Variants in LHFPL3 observed in about 807,000 individuals in gnomAD.
LHFPL3 encodes LHFPL tetraspan subfamily member 3.
Under a neutral mutation model 19.3 loss-of-function variants are expected in LHFPL3, and 5 were observed. The observed-to-expected ratio is 0.26, with a 90% CI of 0.14 to 0.54. The LOEUF is 0.54. Among genes scored for constraint, LHFPL3 ranks in the 20% least tolerant of loss-of-function variants. The pLI is 0.94. For missense variants in LHFPL3, 249 were observed against 307.4 expected (o/e 0.81, Z 1.42); for synonymous variants, 133 against 126.2 (o/e 1.05, Z -0.36).
intron 1 of LHFPL3, among the ~76,000 whole-genome samples, chr7:104,713,569 A>G (rs1793331889): frequency 6.6e-6 from 1 of 152,184 alleles, no homozygotes; most frequent in African/African-American, 2.4e-5. Context: ...ATCAGCCACC[A>G]TAATCCAATC....
intron 1 of LHFPL3, among the ~76,000 whole-genome samples, chr7:104,352,170 A>T (rs1341846444): frequency 6.6e-6 from 1 of 151,330 alleles, no homozygotes; most frequent in African/African-American, 2.4e-5. Flanking sequence ...GTATAAAAAA[A>T]AAAAAAATCT....
At chr7:104,631,122 G>T (rs1013763305) in intron 1 of LHFPL3, among the ~76,000 whole-genome samples, 3 of 152,086 alleles carry the variant, frequency 2.0e-5, no homozygotes, top group Non-Finnish European at 4.4e-5. Flanking sequence ...TACTGACAAA[G>T]CTTGACATCA....
At chr7:104,578,138 T>C (rs1272184221) in intron 1 of LHFPL3, among the ~76,000 whole-genome samples, 1 of 152,230 alleles carries the variant, frequency 6.6e-6, no homozygotes, top group East Asian at 1.9e-4. Flanking sequence ...AAAAAAGTTA[T>C]AGGCAGTTAG....
chr7:104,343,891 T>C (rs991959551), intron 1 of LHFPL3, among the ~76,000 whole-genome samples: 1 of 152,146 alleles, frequency 6.6e-6, no homozygotes, highest in Non-Finnish European at 1.5e-5. Context: ...GTTTTATCAG[T>C]GATGTACACA....
chr7:104,419,122 T>A (rs1449405802), intron 1 of LHFPL3, among the ~76,000 whole-genome samples: 1 of 152,232 alleles, frequency 6.6e-6, no homozygotes. Flanking sequence ...CTAATTTGGT[T>A]GTAGTTTGGA....
intron 1 of LHFPL3, among the ~76,000 whole-genome samples, chr7:104,375,168 G>C (rs536695777): frequency 3.9e-5 from 6 of 152,114 alleles, no homozygotes; most frequent in Non-Finnish European, 5.9e-5. Context: ...GTGAAACCCC[G>C]TCTCTACTGA....
At chr7:104,564,371 G>A (rs142995701) in intron 1 of LHFPL3, among the ~76,000 whole-genome samples, 31 of 152,222 alleles carry the variant, frequency 2.0e-4, no homozygotes, top group Non-Finnish European at 5.9e-5. Flanking sequence ...ATGCCACTAG[G>A]GTAGATAAAA....
intron 1 of LHFPL3, among the ~76,000 whole-genome samples, chr7:104,394,128 TAA>T (rs1348025211): frequency 2.0e-5 from 3 of 152,240 alleles, no homozygotes; most frequent in Non-Finnish European, 4.4e-5. Context: ...AACTGTTCTT[TAA>T]AACTCTACTT....
At chr7:104,438,703 AT>A (rs1792158776) in intron 1 of LHFPL3, among the ~76,000 whole-genome samples, 2 of 152,182 alleles carry the variant, frequency 1.3e-5, no homozygotes, top group African/African-American at 4.8e-5. Flanking sequence ...AAAAAAAAAG[AT>A]AAGCAAACAA....
intron 1 of LHFPL3, among the ~76,000 whole-genome samples, chr7:104,658,120 C>T (rs1792152980): frequency 6.6e-6 from 1 of 152,178 alleles, no homozygotes; most frequent in South Asian, 2.1e-4. Context: ...TGCTGCCTTG[C>T]AGTTAGAATT....
chr7:104,599,753 C>A (rs9641335), intron 1 of LHFPL3, among the ~76,000 whole-genome samples: 69,650 of 151,974 alleles, frequency 0.46, 16,097 homozygotes, highest in South Asian at 0.53. Context: ...AGCTTATTTT[C>A]ATGGAAGCAG....
chr7:104,753,478 T>C (rs1185173589), intron 2 of LHFPL3, among the ~76,000 whole-genome samples: 1 of 152,224 alleles, frequency 6.6e-6, no homozygotes, highest in Non-Finnish European at 1.5e-5. Context: ...AGAATTTTTT[T>C]TCAATATTCA....
At chr7:104,418,014 C>G (rs1791658921) in intron 1 of LHFPL3, among the ~76,000 whole-genome samples, 1 of 151,538 alleles carries the variant, frequency 6.6e-6, no homozygotes, top group African/African-American at 2.4e-5. Context: ...TCCTGAGTAG[C>G]TGGGATTACA....
At chr7:104,902,629 A>T (rs1792511507) in intron 2 of LHFPL3, among the ~76,000 whole-genome samples, 1 of 152,084 alleles carries the variant, frequency 6.6e-6, no homozygotes, top group Non-Finnish European at 1.5e-5. Context: ...TGTACTAAAA[A>T]TAAAAAATTA....
intron 1 of LHFPL3, among the ~76,000 whole-genome samples, chr7:104,389,099 T>A (rs1327896394): frequency 6.6e-6 from 1 of 152,128 alleles, no homozygotes; most frequent in South Asian, 2.1e-4. Context: ...GCAGATGACA[T>A]GTCCTTCCAT....
At chr7:104,702,578 G>A (rs2116180133) in intron 1 of LHFPL3, among the ~76,000 whole-genome samples, 1 of 152,258 alleles carries the variant, frequency 6.6e-6, no homozygotes, top group South Asian at 2.1e-4. Context: ...TAAATTAAAG[G>A]CCAGTGCCTA....
intron 1 of LHFPL3, among the ~76,000 whole-genome samples, chr7:104,594,985 TC>T (rs558583514): frequency 2.3e-4 from 35 of 152,312 alleles, no homozygotes; most frequent in African/African-American, 7.7e-4. Context: ...GGTTCAAACG[TC>T]CTCTTTTAGC....
intron 1 of LHFPL3, among the ~76,000 whole-genome samples, chr7:104,461,495 A>T (rs114270316): frequency 0.012 from 1,839 of 152,272 alleles, 26 homozygotes; most frequent in African/African-American, 0.042. Flanking sequence ...GTCAGCTTTG[A>T]TGAAGATCAG....
chr7:104,873,610 A>C (rs1791877071), intron 2 of LHFPL3, among the ~76,000 whole-genome samples: 1 of 152,218 alleles, frequency 6.6e-6, no homozygotes. Context: ...CCTGGGTAAC[A>C]GAGAAAGATT....
Sources: allele counts gnomAD v4.1 joint callset (sites outside exome capture counted in the v4.1 genomes callset), GRCh38; gene constraint gnomAD v4.1.1; transcripts MANE v1.5; gene names NCBI Gene and HGNC (gene_info 2026-07-23, HGNC 2026-07-21).